Variants in MAP3K14 observed in about 807,000 individuals in gnomAD.
MAP3K14 encodes the protein mitogen-activated protein kinase kinase kinase 14.
MAP3K14 carries 16 observed loss-of-function variants against 99.2 expected under a neutral mutation model. That is an observed-to-expected ratio of 0.16 (90% CI 0.11 to 0.24). The LOEUF is 0.24. MAP3K14 is among the 10% of genes least tolerant of loss of function. The pLI is 1.00. For synonymous variants in MAP3K14, 462 were observed against 492.4 expected (o/e 0.94, Z 0.82); for missense variants, 784 against 1,208.7 (o/e 0.65, Z 5.21).
chr17:45,265,397 A>T (rs1228396357), intron 14 of MAP3K14, 134 bp from the exon 15 acceptor site: 2 of 655,438 alleles, frequency 3.1e-6, no homozygotes. Context: ...TCTGGCTGTG[A>T]TGGAGCAGCA....
At chr17:45,266,719 G>A in intron 13 of MAP3K14, 38 bp from the exon 14 acceptor site, 1 of 1,581,656 alleles carries the variant, frequency 6.3e-7, no homozygotes, top group East Asian at 2.3e-5. Context: ...CAGGGCCCTG[G>A]GCTCCAGGAT....
At chr17:45,292,211 C>A (rs2143833730) in intron 1 of MAP3K14, among the ~76,000 whole-genome samples, 1 of 152,346 alleles carries the variant, frequency 6.6e-6, no homozygotes, top group Middle Eastern at 3.4e-3. Flanking sequence ...GGATTTGGTA[C>A]CAAACGCCAG....
At chr17:45,305,531 G>T (rs1598265181) in intron 1 of MAP3K14, among the ~76,000 whole-genome samples, 1 of 152,182 alleles carries the variant, frequency 6.6e-6, no homozygotes, top group East Asian at 1.9e-4. Flanking sequence ...AAGTGGCTGG[G>T]ATTACAGGCA....
At chr17:45,313,664 G>A (rs1243499643) in intron 1 of MAP3K14, among the ~76,000 whole-genome samples, 1 of 152,156 alleles carries the variant, frequency 6.6e-6, no homozygotes, top group Non-Finnish European at 1.5e-5. Flanking sequence ...ATGGGCACAA[G>A]CACACCTGTC....
At chr17:45,273,830 G>A (rs1190138454) in intron 8 of MAP3K14, 7 of 654,388 alleles carry the variant, frequency 1.1e-5, no homozygotes, top group African/African-American at 1.8e-5. Context: ...CAGGAGCAGG[G>A]TTTACTCGGG....
intron 8 of MAP3K14, 21 bp from the exon 9 acceptor site, chr17:45,273,628 G>A: frequency 3.8e-6 from 6 of 1,588,110 alleles, no homozygotes; most frequent in Non-Finnish European, 5.2e-6. Flanking sequence ...GCCCCGGGGA[G>A]GAAGAGGAAC....
chr17:45,270,954 C>A, intron 10 of MAP3K14, 104 bp downstream of exon 10: 1 of 1,440,586 alleles, frequency 6.9e-7, no homozygotes, highest in South Asian at 1.2e-5. Flanking sequence ...GACCAGGCCT[C>A]CCCTTGCTCC....
At position 45,286,550 on chromosome 17, in the gene MAP3K14, C is replaced by T. The variant is rs1444431082; in HGVS notation, c.1033G>A (p.Val345Met). Residue 345 changes from valine to methionine, a missense_variant, in exon 5 of 16, where the codon GTG becomes ATG. This residue lies in a region of MAP3K14 where 138 missense variants were observed against 164.1 expected (regional missense o/e 0.84). Transcript: ENST00000344686. The surrounding 1 kb of genome is among the most constrained non-coding windows in gnomAD (Gnocchi z 4.1). ...EYLVHALQGS[V>M]SSGQAHSLTS... ...AGGCTGTGGGCCTGGCCTGAGCTCACGCTGCCTTGCAGAGCATGCACTAGG... is the reference window on the plus strand; with the variant it reads ...AGGCTGTGGGCCTGGCCTGAGCTCATGCTGCCTTGCAGAGCATGCACTAGG... 9 of 1,610,498 alleles carry T rather than the reference C, an allele frequency of 5.6e-6. No individual in the cohort carries two copies. Among genetic ancestry groups the T allele is most frequent in the Non-Finnish European group, 5.1e-6 (6 of 1,178,630 alleles).
intron 6 of MAP3K14, chr17:45,281,952 A>T (rs965355334): frequency 6.6e-6 from 1 of 151,780 alleles, no homozygotes; most frequent in African/African-American, 2.4e-5. Context: ...CCCTGATCTT[A>T]CTTTTAATTG....
At position 45,284,850 on chromosome 17, in the gene MAP3K14, C is replaced by A; in HGVS notation, c.1252G>T (p.Glu418Ter). 6.3e-7 allele frequency: 1 copy of A among 1,592,370 alleles called. No individual in the cohort carries two copies. Among genetic ancestry groups the A allele is most frequent in the Non-Finnish European group, 8.5e-7 (1 of 1,169,670 alleles). Residue 418 changes from glutamate (E) to a stop codon, truncating the protein, a stop_gained, in exon 6 of 16, where the codon GAG becomes TAG. Transcript: ENST00000344686. LOFTEE classifies it high-confidence loss of function. ...RGSFGEVHRM[E>*]DKQTGFQCAV... ...CACTGGAAGCCAGTCTGCTTGTCCT[C>A]CATCCTGTGCACCTCTCCGAAGGAG...
chr17:45,275,133 C>T (rs1001515085), intron 6 of MAP3K14, among the ~76,000 whole-genome samples: 4 of 148,090 alleles, frequency 2.7e-5, no homozygotes, highest in Admixed American at 1.4e-4. Context: ...AGTGAGACTC[C>T]GTCTCAAAAA....
In MAP3K14 at chr17:45,265,202, C is replaced by G; in HGVS notation, c.2640G>C (p.Arg880=). Residue 880 remains arginine (R), a synonymous_variant, in exon 15 of 16, where the codon CGG becomes CGC. Coordinates refer to ENST00000344686, the MANE Select transcript of MAP3K14 (RefSeq NM_003954.5). ...CAGTGGCGATGTCTCCCACTTTGAC[C>G]CGGTGGAACTCCCGGATGTGCAGGT... ...GEHLHIREFH[R]VKVGDIATGI... is the part of the protein sequence containing the mutation. 2.5e-6 allele frequency: 4 copies of G among 1,613,924 alleles called. No homozygotes were observed. Among genetic ancestry groups the G allele is most frequent in the Non-Finnish European group, 3.4e-6 (4 of 1,179,894 alleles).
chr17:45,311,474 T>G (rs957145868), intron 1 of MAP3K14, among the ~76,000 whole-genome samples: 3 of 152,198 alleles, frequency 2.0e-5, no homozygotes, highest in Admixed American at 2.0e-4. Context: ...TCCAGAACAG[T>G]GTCTGAAGAA....
intron 11 of MAP3K14, 31 bp downstream of exon 11, chr17:45,270,382 C>G: frequency 6.2e-7 from 1 of 1,600,332 alleles, no homozygotes; most frequent in Non-Finnish European, 8.5e-7. Flanking sequence ...TCTTCTGCCC[C>G]CCGGGTCAGC....
chr17:45,307,806 C>G (rs1198069726), intron 1 of MAP3K14, among the ~76,000 whole-genome samples: 2 of 152,364 alleles, frequency 1.3e-5, no homozygotes, highest in East Asian at 3.9e-4. Context: ...GTTTGAGGAA[C>G]TTCAGAATAA....
chr17:45,300,938 A>C (rs1010986963), intron 1 of MAP3K14, among the ~76,000 whole-genome samples: 4 of 152,142 alleles, frequency 2.6e-5, no homozygotes, highest in Non-Finnish European at 5.9e-5. Context: ...AGGCCAAGGC[A>C]GGAGGATTGC....
chr17:45,276,823 CTTTTTTTTTT>C (rs35012373), intron 6 of MAP3K14, among the ~76,000 whole-genome samples: 4 of 62,258 alleles, frequency 6.4e-5, no homozygotes, highest in South Asian at 6.6e-4. Context: ...TCTTAGACTT[CTTTTTTTTTT>C]TTTTTTTTTT....
chr17:45,316,746 G>A (rs546367865), intron 1 of MAP3K14, among the ~76,000 whole-genome samples: 3 of 151,718 alleles, frequency 2.0e-5, no homozygotes, highest in Non-Finnish European at 2.9e-5. Context: ...GGCCCGGGGC[G>A]AGCGCGGCAC....
chr17:45,315,950 G>A (rs936142017), intron 1 of MAP3K14, among the ~76,000 whole-genome samples: 3 of 152,244 alleles, frequency 2.0e-5, no homozygotes, highest in Admixed American at 1.3e-4. Flanking sequence ...TAGTCAAGGG[G>A]TTTCCAACAT....
Sources: gnomAD v4.1 joint callset for allele counts (sites outside exome capture counted in the v4.1 genomes callset) on GRCh38, gnomAD v4.1.1 for gene constraint, gnomAD v4.1.1 regional missense constraint, Gnocchi (gnomAD v3.1) non-coding constraint, MANE v1.5 for transcripts, NCBI Gene and HGNC (gene_info 2026-07-23, HGNC 2026-07-21) for gene names.